The following LRRTM4 variants were observed in gnomAD, a reference collection of about 807,000 sequenced individuals.
The protein encoded by LRRTM4 is leucine rich repeat transmembrane neuronal 4, also known as leucine-rich repeat transmembrane neuronal protein 4.
LRRTM4 carries 25 observed loss-of-function variants against 47.6 expected under a neutral mutation model. That is an observed-to-expected ratio of 0.53 (90% confidence interval 0.38 to 0.73). The LOEUF (loss-of-function observed/expected upper bound fraction) is 0.73, where lower values mean the gene tolerates loss of function less well. Among genes scored for constraint, LRRTM4 ranks in the 30% least tolerant of loss-of-function variants. LRRTM4 has a pLI of 0.00. For synonymous variants in LRRTM4, 311 were observed against 269.5 expected, an observed-to-expected ratio of 1.15 and a Z score of -1.51; for missense variants, 638 against 713.4, an observed-to-expected ratio of 0.89 and a Z score of 1.20.
At chr2:77,296,015 T>C (rs1676963365) in intron 3 of LRRTM4, among the ~76,000 whole-genome samples, 1 of 152,228 alleles carries the variant, frequency 6.6e-6, no homozygotes, top group Non-Finnish European at 1.5e-5. Flanking sequence ...GTTTTACAAA[T>C]TCTACAGCAA....
intron 3 of LRRTM4, among the ~76,000 whole-genome samples, chr2:77,240,561 T>C (rs1427981131): frequency 6.6e-6 from 1 of 151,928 alleles, no homozygotes; most frequent in African/African-American, 2.4e-5. Flanking sequence ...GATACCATAC[T>C]TGAAGTTCTT....
At chr2:77,334,401 G>T (rs1231445198) in intron 3 of LRRTM4, among the ~76,000 whole-genome samples, 1 of 152,168 alleles carries the variant, frequency 6.6e-6, no homozygotes, top group African/African-American at 2.4e-5. Context: ...TTTCATGGGA[G>T]GAACTAGGCC....
chr2:76,907,064 C>G (rs979695623), intron 3 of LRRTM4, among the ~76,000 whole-genome samples: 2 of 151,988 alleles, frequency 1.3e-5, no homozygotes, highest in African/African-American at 2.4e-5. Flanking sequence ...CAAACCACAC[C>G]TATTCCAAAA....
At chr2:77,254,275 G>T (rs1675702033) in intron 3 of LRRTM4, among the ~76,000 whole-genome samples, 1 of 151,760 alleles carries the variant, frequency 6.6e-6, no homozygotes, top group African/African-American at 2.4e-5. Flanking sequence ...TGCCTGAAAA[G>T]AACTATCATC....
At chr2:77,117,248 T>C (rs531854788) in intron 3 of LRRTM4, among the ~76,000 whole-genome samples, 1 of 152,186 alleles carries the variant, frequency 6.6e-6, no homozygotes, top group South Asian at 2.1e-4. Context: ...ATATCTATAA[T>C]TGTAATTAAC....
At chr2:77,016,194 T>C (rs1678062004) in intron 3 of LRRTM4, among the ~76,000 whole-genome samples, 1 of 152,092 alleles carries the variant, frequency 6.6e-6, no homozygotes, top group African/African-American at 2.4e-5. Context: ...AAGACCATCC[T>C]GGCCAACATT....
intron 3 of LRRTM4, among the ~76,000 whole-genome samples, chr2:76,848,981 G>C (rs919099357): frequency 2.5e-4 from 38 of 152,082 alleles, no homozygotes; most frequent in Non-Finnish European, 4.9e-4. Context: ...AGGTCACACA[G>C]GCCATCTGTA....
intron 3 of LRRTM4, among the ~76,000 whole-genome samples, chr2:77,287,072 G>A (rs754494489): frequency 3.9e-5 from 6 of 151,968 alleles, no homozygotes; most frequent in Admixed American, 6.6e-5. Flanking sequence ...TGATACGTTC[G>A]AGGCCACAGT....
intron 3 of LRRTM4, among the ~76,000 whole-genome samples, chr2:77,239,498 G>C (rs1675199892): frequency 6.6e-6 from 1 of 151,898 alleles, no homozygotes; most frequent in South Asian, 2.1e-4. Context: ...ATTGTCAGAT[G>C]ATTGGATATA....
At chr2:77,372,674 A>G (rs1278398462) in intron 3 of LRRTM4, among the ~76,000 whole-genome samples, 1 of 151,762 alleles carries the variant, frequency 6.6e-6, no homozygotes, top group African/African-American at 2.4e-5. Context: ...TCTTCACTCT[A>G]TAAGACATAC....
chr2:76,799,578 C>T (rs1675544591), intron 3 of LRRTM4, among the ~76,000 whole-genome samples: 1 of 141,714 alleles, frequency 7.1e-6, no homozygotes, highest in Non-Finnish European at 1.5e-5. Context: ...TCCTATTCAA[C>T]ATAGTGTTGG....
At chr2:77,051,796 CTT>C (rs1050949166) in intron 3 of LRRTM4, among the ~76,000 whole-genome samples, 2 of 151,748 alleles carry the variant, frequency 1.3e-5, no homozygotes, top group African/African-American at 2.4e-5. Flanking sequence ...TGAATAAAGA[CTT>C]TTTTTTCACT....
chr2:77,350,194 C>T (rs11677909), intron 3 of LRRTM4, among the ~76,000 whole-genome samples: 30,098 of 149,126 alleles, frequency 0.2, 3,621 homozygotes, highest in East Asian at 0.43. Context: ...GGCGCGGTGG[C>T]GGGCGCCTGT....
Position 77,427,372 on chromosome 2 carries a change from T to C in LRRTM4, c.1551+90946A>G, listed in dbSNP as rs192361345. 1.1e-4 allele frequency among the ~76,000 whole-genome samples: 17 copies of C among 152,348 alleles called. 1 individual carries two copies. The East Asian group carries it at 1.9e-3, about 17-fold the overall frequency. The stretch of plus-strand genomic sequence containing the variant: ...AAAAATAACAAATAAGGACTCTTAG[T>C]CCACAGTACAGTTATGGATCACTAC... On this transcript the variant is annotated intron_variant, in intron 3 of 3. Transcript: ENST00000409884.
intron 3 of LRRTM4, among the ~76,000 whole-genome samples, chr2:77,477,230 C>A (rs964046795): frequency 6.6e-6 from 1 of 151,930 alleles, no homozygotes; most frequent in Non-Finnish European, 1.5e-5. Flanking sequence ...CAAGAGCCAT[C>A]ATAGAAAGTA....
At chr2:76,776,283 T>C (rs1048843878) in intron 3 of LRRTM4, among the ~76,000 whole-genome samples, 1 of 152,210 alleles carries the variant, frequency 6.6e-6, no homozygotes, top group Non-Finnish European at 1.5e-5. Context: ...AGTAATGGGA[T>C]GGCTGGGTCA....
In LRRTM4 at chr2:77,460,461, A is replaced by G. The variant is rs189539716; in HGVS notation, c.1551+57857T>C. Among the ~76,000 whole-genome samples the G allele has an allele frequency of 9.9e-5, 15 of 152,238 alleles. No homozygotes were observed. The East Asian group carries it at 2.7e-3, about 27-fold the overall frequency. On this transcript the variant is annotated intron_variant, in intron 3 of 3. Transcript: ENST00000409884. The stretch of plus-strand genomic sequence containing the variant: ...TGGTCTAAAGAGGATGACAATGAAT[A>G]TCTTTTGCATGTTCATTTTGCCCAG...
chr2:76,902,779 A>G (rs1673685145), intron 3 of LRRTM4, among the ~76,000 whole-genome samples: 1 of 152,192 alleles, frequency 6.6e-6, no homozygotes, highest in Admixed American at 6.5e-5. Flanking sequence ...AAACTGCCCT[A>G]GTTTTAAACT....
chr2:77,130,812 A>T (rs1241066821), intron 3 of LRRTM4, among the ~76,000 whole-genome samples: 3 of 104,090 alleles, frequency 2.9e-5, no homozygotes, highest in Non-Finnish European at 3.8e-5. Flanking sequence ...TGCCCGGCCA[A>T]TTATTTGTTC....
Sources: gnomAD v4.1 joint callset for allele counts (sites outside exome capture counted in the v4.1 genomes callset) on GRCh38, gnomAD v4.1.1 for gene constraint, MANE v1.5 for transcripts, NCBI Gene and HGNC (gene_info 2026-07-23, HGNC 2026-07-21) for gene names.